UROS: variants seen among roughly 807,000 people sequenced by gnomAD.
UROS encodes the protein uroporphyrinogen III synthase, also known as uroporphyrinogen-III synthase.
A neutral mutation model predicts 33.0 loss-of-function variants in UROS; 18 were observed. The ratio of observed to expected loss-of-function variants is 0.55; its 90% CI spans 0.38 to 0.81. UROS has a LOEUF of 0.81. Among genes scored for constraint, UROS ranks in the 30% least tolerant of loss-of-function variants. UROS has a pLI of 0.00. For synonymous variants in UROS, 114 were observed against 121.1 expected (o/e 0.94, Z 0.38); for missense variants, 293 against 314.9 (o/e 0.93, Z 0.53).
chr10:125,804,690 A>T (rs570487667), intron 6 of UROS, among the ~76,000 whole-genome samples: 2 of 152,338 alleles, frequency 1.3e-5, no homozygotes, highest in East Asian at 3.9e-4. Context: ...GCATTGGAGA[A>T]TTGGTCATTG....
At chr10:125,808,043 C>A (rs1852487556) in intron 5 of UROS, among the ~76,000 whole-genome samples, 1 of 152,206 alleles carries the variant, frequency 6.6e-6, no homozygotes, top group African/African-American at 2.4e-5. Flanking sequence ...ACCCACAGCG[C>A]TACAAATACA....
chr10:125,809,573 T>C (rs1852620076), intron 5 of UROS, among the ~76,000 whole-genome samples: 1 of 152,176 alleles, frequency 6.6e-6, no homozygotes. Context: ...AATAACATCG[T>C]TTCATTCAAC....
downstream of UROS, among the ~76,000 whole-genome samples, chr10:125,786,017 G>C (rs1039703368): frequency 1.3e-5 from 2 of 152,176 alleles, no homozygotes; most frequent in Non-Finnish European, 2.9e-5. Context: ...GCGTTACTCT[G>C]TTTGGAGCTG....
intron 5 of UROS, among the ~76,000 whole-genome samples, chr10:125,810,361 C>T (rs1852698387): frequency 6.6e-6 from 1 of 152,190 alleles, no homozygotes; most frequent in South Asian, 2.1e-4. Context: ...TTAGGTAGCC[C>T]TCTCGGGAGG....
intron 6 of UROS, chr10:125,801,970 G>C: frequency 2.1e-6 from 2 of 972,754 alleles, no homozygotes; most frequent in Non-Finnish European, 2.4e-6. Flanking sequence ...AAACAGGCAG[G>C]AGCCACCTAT....
downstream of UROS, among the ~76,000 whole-genome samples, chr10:125,788,107 G>T (rs886486232): frequency 2.6e-5 from 4 of 152,168 alleles, no homozygotes; most frequent in African/African-American, 9.7e-5. Context: ...GAGGTGTGTG[G>T]GCAGAGCCTT....
chr10:125,796,814 A>AT (rs1284111184), intron 7 of UROS: 1 of 985,320 alleles, frequency 1.0e-6, no homozygotes, highest in African/African-American at 1.7e-5. Flanking sequence ...ATATTGACTT[A>AT]TGAGGGGCAG....
chr10:125,786,034 T>TG (rs914656098), downstream of UROS, among the ~76,000 whole-genome samples: 2 of 151,774 alleles, frequency 1.3e-5, no homozygotes, highest in African/African-American at 2.4e-5. Flanking sequence ...GCTGGCAGGG[T>TG]GGGGGGTGCG....
intron 5 of UROS, among the ~76,000 whole-genome samples, chr10:125,811,829 C>T (rs893043850): frequency 4.0e-5 from 6 of 151,696 alleles, no homozygotes; most frequent in Non-Finnish European, 5.9e-5. Flanking sequence ...TATGATATCA[C>T]TATCTGGAGA....
intron 9 of UROS, chr10:125,793,061 T>C (rs1851065539): frequency 6.6e-6 from 1 of 151,720 alleles, no homozygotes; most frequent in Admixed American, 6.6e-5. Context: ...CTCCTCAGAG[T>C]GTCTGGAGGG....
At position 125,812,149 on chromosome 10, in the gene UROS, C is replaced by G. The variant is rs10901444; in HGVS notation, c.319+65G>C. On this transcript the variant is annotated intron_variant, in intron 5 of 9. Transcript: ENST00000368797. Reference sequence around the variant, plus strand: ...AATAATATTTTTAAACTGAGTTAAACTGTTTTTTAAAACTGAAAAGGCTAA... The same window carrying G: ...AATAATATTTTTAAACTGAGTTAAAGTGTTTTTTAAAACTGAAAAGGCTAA... 0.44 allele frequency: 648,275 copies of G among 1,460,190 alleles called. 146,563 individuals are homozygous for G. The highest frequency in any genetic ancestry group is 0.47 in the Non-Finnish European group (488,975 of 1,043,838). The allele number at this position is 1,460,190 out of a possible 1,614,324, so 90.5% of individuals were successfully genotyped here.
intron 5 of UROS, among the ~76,000 whole-genome samples, chr10:125,811,476 G>T (rs1852803271): frequency 1.3e-5 from 2 of 152,206 alleles, no homozygotes; most frequent in South Asian, 4.1e-4. Context: ...AAGTCATGCT[G>T]CTCAGAAGAT....
rs149811287 is a variant in UROS, at chr10:125,812,660, GC to G, written c.245-373del. 6.0e-3 allele frequency among the ~76,000 whole-genome samples: 918 copies of G among 152,196 alleles called. 11 individuals carry two copies. Among genetic ancestry groups the G allele is most frequent in the African/African-American group, 0.021 (872 of 41,522 alleles). ...AAAAGACACTGGTCATTTAAAAAAA[GC>G]AACTTAAATGTCTAACAAGGAAATC... On this transcript the variant is annotated intron_variant, in intron 4 of 9. Coordinates refer to ENST00000368797, the MANE Select transcript of UROS (RefSeq NM_000375.3).
chr10:125,789,336 T>C (rs1850757752), intron 9 of UROS: 1 of 1,256,332 alleles, frequency 8.0e-7, no homozygotes. Flanking sequence ...TGCAGACAGT[T>C]CTTCTTCGGG....
At chr10:125,799,372 G>A (rs1474227825) in intron 6 of UROS, among the ~76,000 whole-genome samples, 1 of 152,146 alleles carries the variant, frequency 6.6e-6, no homozygotes, top group East Asian at 1.9e-4. Context: ...ATGTTCAGAG[G>A]CAATTTTCTT....
At chr10:125,793,034 G>A (rs1431645148) in intron 9 of UROS, 1 of 152,242 alleles carries the variant, frequency 6.6e-6, no homozygotes, top group South Asian at 2.1e-4. Flanking sequence ...AGTAAGAGGC[G>A]AGGGGGCTAC....
Position 125,816,477 on chromosome 10 carries a change from T to C in UROS, c.23A>G (p.Asp8Gly), listed in dbSNP as rs769716295. MKVLLLK[D>G]AKEDDCGQDP... ...CTGGCCACAGTCATCTTCCTTCGCA[T>C]CCTTCAGTAAAAGAACCTTCATTAT... The change falls in exon 2 of 10, where the codon GAT becomes GGT. Residue 8 changes from aspartate (D) to glycine (G), a missense_variant. Physicochemically the swap from Asp to Gly is moderately conservative, Grantham distance 94 (BLOSUM62 -1). Coordinates refer to ENST00000368797, the MANE Select transcript of UROS (RefSeq NM_000375.3). 5.6e-6 allele frequency: 9 copies of C among 1,614,070 alleles called. No individual in the cohort carries two copies. In the Admixed American group the frequency reaches 1.5e-4, roughly 27 times the overall value.
chr10:125,816,413 G>A, intron 2 of UROS, 24 bp downstream of exon 2: 4 of 1,613,906 alleles, frequency 2.5e-6, no homozygotes, highest in Non-Finnish European at 3.4e-6. Flanking sequence ...GACACTGTGG[G>A]ATAAGGAGTC....
chr10:125,817,224 ATTTTTTTTTTTT>A (rs11431196), intron 1 of UROS, among the ~76,000 whole-genome samples: 2 of 74,060 alleles, frequency 2.7e-5, no homozygotes, highest in Non-Finnish European at 2.4e-5. Context: ...TTATAGATGT[ATTTTTTTTTTTT>A]TTTTTTTTTT....
Sources: allele counts gnomAD v4.1 joint callset (sites outside exome capture counted in the v4.1 genomes callset), GRCh38; gene constraint gnomAD v4.1.1; transcripts MANE v1.5; gene names NCBI Gene and HGNC (gene_info 2026-07-23, HGNC 2026-07-21).